Variants in NELL2 observed in about 807,000 individuals in gnomAD.
NELL2 encodes the protein protein kinase C-binding protein NELL2.
Under a neutral mutation model 109.6 loss-of-function variants are expected in NELL2, and 41 were observed. The ratio of observed to expected loss-of-function variants is 0.37; its 90% CI spans 0.29 to 0.49. The LOEUF (loss-of-function observed/expected upper bound fraction) is 0.49, where lower values mean the gene tolerates loss of function less well. NELL2 is among the 20% of genes least tolerant of loss of function. The pLI is 0.98. For synonymous variants in NELL2, 355 were observed against 344.7 expected, an observed-to-expected ratio of 1.03 and a Z score of -0.33; for missense variants, 900 against 1,008.3, an observed-to-expected ratio of 0.89 and a Z score of 1.45.
chr12:44,682,658 C>T (rs972012334), intron 12 of NELL2, among the ~76,000 whole-genome samples: 1 of 152,190 alleles, frequency 6.6e-6, no homozygotes, highest in Non-Finnish European at 1.5e-5. Flanking sequence ...TTCCCCAGCA[C>T]CATTTATTAA....
intron 16 of NELL2, among the ~76,000 whole-genome samples, chr12:44,526,357 T>C (rs1173789794): frequency 6.6e-6 from 1 of 152,222 alleles, no homozygotes; most frequent in Non-Finnish European, 1.5e-5. Context: ...ATGATTTATT[T>C]AATCTTCACA....
chr12:44,889,516 G>C (rs971801644), intron 1 of NELL2, among the ~76,000 whole-genome samples: 10 of 151,970 alleles, frequency 6.6e-5, no homozygotes, highest in Non-Finnish European at 4.4e-5. Flanking sequence ...CATCCACATG[G>C]ACCCAGCCGG....
At chr12:44,796,798 G>A (rs1211370853) in intron 3 of NELL2, among the ~76,000 whole-genome samples, 1 of 151,986 alleles carries the variant, frequency 6.6e-6, no homozygotes, top group African/African-American at 2.4e-5. Flanking sequence ...ATTCATAATT[G>A]AAGCCCTAGC....
chr12:44,736,223 A>C (rs953164277), intron 9 of NELL2, among the ~76,000 whole-genome samples: 5 of 151,646 alleles, frequency 3.3e-5, no homozygotes, highest in African/African-American at 7.3e-5. Context: ...GTCAGCCAGG[A>C]TGGTCTCAAT....
chr12:44,588,008 A>G lies in NELL2; in HGVS notation c.1663+19161T>C, dbSNP rs887455269. 7.9e-5 allele frequency among the ~76,000 whole-genome samples: 12 copies of G among 151,882 alleles called. No homozygotes were observed. The East Asian group carries it at 9.7e-4, about 12-fold the overall frequency. Reference sequence around the variant, plus strand: ...CTACTAAAAATACAAAAAATTAGCCAGGCGTGGTGGCGGGCACCTGTAGTC... The same window carrying G: ...CTACTAAAAATACAAAAAATTAGCCGGGCGTGGTGGCGGGCACCTGTAGTC... On this transcript the variant is annotated intron_variant, in intron 15 of 19. Transcript: ENST00000429094.
rs553716849 is a variant in NELL2, at chr12:44,537,177, A to T, written c.1664-4456T>A. 4.9e-3 allele frequency among the ~76,000 whole-genome samples: 749 copies of T among 152,236 alleles called. 3 individuals are homozygous for T. The highest frequency in any genetic ancestry group is 0.015 in the African/African-American group (640 of 41,558). On this transcript the variant is annotated intron_variant, in intron 15 of 19. Transcript: ENST00000429094. Reference sequence around the variant, plus strand: ...TGGCTTCAGAGGCAATCAACTGACAATGGCTTTTGCCAGCAGCATTTAAAG... The same window carrying T: ...TGGCTTCAGAGGCAATCAACTGACATTGGCTTTTGCCAGCAGCATTTAAAG...
intron 2 of NELL2, among the ~76,000 whole-genome samples, chr12:44,827,011 C>A (rs147818290): frequency 6.6e-6 from 1 of 152,228 alleles, no homozygotes; most frequent in African/African-American, 2.4e-5. Context: ...CTAGATACTG[C>A]AACATAAACT....
chr12:44,514,645 T>C (rs1941174230), intron 19 of NELL2, among the ~76,000 whole-genome samples: 1 of 151,620 alleles, frequency 6.6e-6, no homozygotes, highest in African/African-American at 2.4e-5. Flanking sequence ...CAGTATATTG[T>C]GGTTTCAGGC....
rs565864308 is a variant in NELL2, at chr12:44,743,548, G to A, written c.995-28807C>T. Among the ~76,000 whole-genome samples the A allele has an allele frequency of 1.4e-4, 21 of 152,178 alleles. No individual in the cohort carries two copies. The East Asian group carries it at 4.1e-3, about 29-fold the overall frequency. On this transcript the variant is annotated intron_variant, in intron 9 of 19. Coordinates refer to ENST00000429094, the MANE Select transcript of NELL2 (RefSeq NM_001145108.2). ...AGACCCATCAGTGTGCTGTATTCAG[G>A]AAACCCATCTCACGTGCAGAGACAC...
chr12:44,876,862 CGG>C (rs377688895), upstream of NELL2: 20 of 1,299,988 alleles, frequency 1.5e-5, no homozygotes, highest in African/African-American at 2.7e-4. Context: ...CTGGTGGGGA[CGG>C]ATGGCGAGCC....
At chr12:44,698,319 G>T (rs1949122914) in intron 12 of NELL2, among the ~76,000 whole-genome samples, 1 of 152,154 alleles carries the variant, frequency 6.6e-6, no homozygotes, top group South Asian at 2.1e-4. Context: ...CAAAAGAAAT[G>T]ATTATGGTAG....
At chr12:44,696,672 T>C (rs1949071412) in intron 12 of NELL2, among the ~76,000 whole-genome samples, 1 of 152,174 alleles carries the variant, frequency 6.6e-6, no homozygotes, top group Non-Finnish European at 1.5e-5. Context: ...TTTTCTTATA[T>C]ATAATATAAA....
chr12:44,880,376 A>T (rs1386658574), upstream of NELL2, among the ~76,000 whole-genome samples: 1 of 152,076 alleles, frequency 6.6e-6, no homozygotes, highest in Non-Finnish European at 1.5e-5. Flanking sequence ...AAAAACCATT[A>T]GCTCTAATAA....
chr12:44,818,417 TGGG>T (rs1176097685), intron 2 of NELL2, among the ~76,000 whole-genome samples: 1 of 152,140 alleles, frequency 6.6e-6, no homozygotes, highest in African/African-American at 2.4e-5. Context: ...GGATGATAGA[TGGG>T]GGTGCAAATG....
intron 13 of NELL2, among the ~76,000 whole-genome samples, chr12:44,632,754 CTTT>C (rs1446532480): frequency 6.6e-6 from 1 of 152,030 alleles, no homozygotes; most frequent in Admixed American, 6.6e-5. Flanking sequence ...GTACATTCTT[CTTT>C]TATTATCTGT....
chr12:44,528,228 T>G (rs1941894777), intron 16 of NELL2, among the ~76,000 whole-genome samples: 1 of 151,806 alleles, frequency 6.6e-6, no homozygotes, highest in African/African-American at 2.4e-5. Context: ...GAGTTTTTTT[T>G]TGTTGTTTTT....
At chr12:44,573,605 G>A (rs550575766) in intron 15 of NELL2, among the ~76,000 whole-genome samples, 1 of 152,094 alleles carries the variant, frequency 6.6e-6, no homozygotes, top group Non-Finnish European at 1.5e-5. Context: ...AAACAGCAAA[G>A]AACAGAATAT....
upstream of NELL2, chr12:44,876,344 G>C (rs902333060): frequency 8.4e-6 from 10 of 1,194,802 alleles, no homozygotes; most frequent in Non-Finnish European, 1.0e-5. Flanking sequence ...CGCGCGGAGA[G>C]ACTGCTCCTC....
chr12:44,618,130 C>T (rs1485701145), intron 13 of NELL2, among the ~76,000 whole-genome samples: 2 of 152,126 alleles, frequency 1.3e-5, no homozygotes, highest in African/African-American at 4.8e-5. Flanking sequence ...ATTTTTAATG[C>T]TACTAAAGTG....
Sources: allele counts gnomAD v4.1 joint callset (sites outside exome capture counted in the v4.1 genomes callset), GRCh38; gene constraint gnomAD v4.1.1; transcripts MANE v1.5; gene names NCBI Gene and HGNC (gene_info 2026-07-23, HGNC 2026-07-21).